The following TMEM131L variants were observed in gnomAD, a reference collection of about 807,000 sequenced individuals.
TMEM131L encodes transmembrane 131 like.
TMEM131L carries 54 observed loss-of-function variants against 192.2 expected under a neutral mutation model. The ratio of observed to expected loss-of-function variants is 0.28; its 90% confidence interval spans 0.23 to 0.35. TMEM131L has a LOEUF of 0.35. TMEM131L is among the 10% of genes least tolerant of loss of function. The probability of loss-of-function intolerance (pLI) is 1.00; values close to 1 mark genes in which losing one functional copy is unlikely to be tolerated. For missense variants in TMEM131L, 1,888 were observed against 1,972.9 expected (o/e 0.96, Z 0.82); for synonymous variants, 701 against 704.9 (o/e 0.99, Z 0.09).
At chr4:153,571,682 C>T (rs1729596856) in intron 7 of TMEM131L, among the ~76,000 whole-genome samples, 1 of 152,210 alleles carries the variant, frequency 6.6e-6, no homozygotes. Flanking sequence ...TCCTCAGCCT[C>T]CTGAGTAGCT....
chr4:153,470,978 T>A (rs1731115915), intron 2 of TMEM131L, among the ~76,000 whole-genome samples: 1 of 144,810 alleles, frequency 6.9e-6, no homozygotes, highest in Non-Finnish European at 1.5e-5. Flanking sequence ...CCTTCGGTTT[T>A]TTTTGTTTGT....
intron 25 of TMEM131L, among the ~76,000 whole-genome samples, chr4:153,610,209 C>T (rs909732654): frequency 6.6e-6 from 1 of 152,126 alleles, no homozygotes; most frequent in Non-Finnish European, 1.5e-5. Context: ...AGTTGACTGT[C>T]CTATAGAGAC....
At chr4:153,616,118 G>A (rs1191528158) in intron 26 of TMEM131L, among the ~76,000 whole-genome samples, 5 of 152,116 alleles carry the variant, frequency 3.3e-5, no homozygotes, top group Admixed American at 1.3e-4. Context: ...TAGGACAGAC[G>A]TCTGCATCTA....
chr4:153,627,287 A>G (rs1177109021), intron 30 of TMEM131L, among the ~76,000 whole-genome samples: 1 of 152,160 alleles, frequency 6.6e-6, no homozygotes, highest in Non-Finnish European at 1.5e-5. Context: ...AACTACCTGG[A>G]AATACAGACA....
At chr4:153,492,205 A>G (rs1464494581) in intron 3 of TMEM131L, among the ~76,000 whole-genome samples, 1 of 151,476 alleles carries the variant, frequency 6.6e-6, no homozygotes, top group Non-Finnish European at 1.5e-5. Context: ...TAAAAGATGG[A>G]GGTCTCACTA....
At chr4:153,575,981 A>G (rs1225653962) in intron 7 of TMEM131L, among the ~76,000 whole-genome samples, 2 of 148,602 alleles carry the variant, frequency 1.3e-5, no homozygotes, top group Non-Finnish European at 1.5e-5. Context: ...TTTTTTTGAG[A>G]TGAAGTCTCA....
Position 153,604,308 on chromosome 4 carries a change from A to T in TMEM131L, c.3296A>T (p.Glu1099Val). 1 of 1,614,196 alleles carries T rather than the reference A, an allele frequency of 6.2e-7. No individual in the cohort carries two copies. The highest frequency in any genetic ancestry group is 1.1e-5 in the South Asian group (1 of 91,088). ...ATTAAAACTTCAGAGAACACAGCCG[A>T]GTTCAAGGAACGGGAGCTCTGTCCA... The part of the protein sequence containing the change: ...TDIKTSENTA[E>V]FKERELCPLK... The change falls in exon 25 of 35, where the codon GAG becomes GTG. Residue 1099 changes from glutamate to valine, a missense_variant. Coordinates refer to ENST00000409959, the MANE Select transcript of TMEM131L (RefSeq NM_001131007.2).
intron 3 of TMEM131L, among the ~76,000 whole-genome samples, chr4:153,522,358 G>A (rs1437534816): frequency 6.6e-6 from 1 of 152,174 alleles, no homozygotes; most frequent in Non-Finnish European, 1.5e-5. Flanking sequence ...CAGATAATAG[G>A]AGACTTAAAT....
intron 33 of TMEM131L, among the ~76,000 whole-genome samples, chr4:153,634,744 G>A (rs886828232): frequency 2.0e-5 from 3 of 152,194 alleles, no homozygotes; most frequent in African/African-American, 7.2e-5. Context: ...AGGGGAAATT[G>A]TGGAAAATTG....
intron 9 of TMEM131L, among the ~76,000 whole-genome samples, chr4:153,582,533 C>T (rs2150749020): frequency 7.1e-6 from 1 of 140,788 alleles, no homozygotes; most frequent in South Asian, 2.3e-4. Flanking sequence ...CCCCGCTTGG[C>T]CTCCCAAAGT....
intron 4 of TMEM131L, among the ~76,000 whole-genome samples, chr4:153,551,763 G>GT (rs930377690): frequency 1.3e-5 from 2 of 152,060 alleles, no homozygotes; most frequent in Non-Finnish European, 2.9e-5. Context: ...CTAGGTGTCT[G>GT]TTTTTTTGAG....
chr4:153,595,260 G>C (rs1304535398), intron 19 of TMEM131L, among the ~76,000 whole-genome samples: 2 of 152,002 alleles, frequency 1.3e-5, no homozygotes, highest in Non-Finnish European at 1.5e-5. Flanking sequence ...TAGTTCCTTG[G>C]GTTAAGAACA....
chr4:153,559,889 C>T (rs1330676295), intron 7 of TMEM131L, among the ~76,000 whole-genome samples: 1 of 152,036 alleles, frequency 6.6e-6, no homozygotes, highest in Non-Finnish European at 1.5e-5. Flanking sequence ...TCTTCAGCCC[C>T]AGTGCTCACC....
intron 7 of TMEM131L, among the ~76,000 whole-genome samples, chr4:153,573,084 A>G (rs1729700507): frequency 6.6e-6 from 1 of 152,208 alleles, no homozygotes; most frequent in Non-Finnish European, 1.5e-5. Flanking sequence ...GCACATATAT[A>G]TCATGTTTTG....
chr4:153,530,572 C>T (rs916045708), intron 3 of TMEM131L, among the ~76,000 whole-genome samples: 1 of 152,142 alleles, frequency 6.6e-6, no homozygotes, highest in Non-Finnish European at 1.5e-5. Context: ...GGTAGGCTGG[C>T]TTGCTGTACT....
At chr4:153,485,522 A>G (rs1732268812) in intron 3 of TMEM131L, among the ~76,000 whole-genome samples, 1 of 152,212 alleles carries the variant, frequency 6.6e-6, no homozygotes, top group South Asian at 2.1e-4. Context: ...TGGCCTGCCA[A>G]GTGAACCATG....
At chr4:153,590,987 T>C in intron 16 of TMEM131L, 66 bp from the exon 17 acceptor site, 1 of 1,118,434 alleles carries the variant, frequency 8.9e-7, no homozygotes, top group Non-Finnish European at 1.2e-6. Context: ...AATAACAAAA[T>C]TATTAAATAT....
chr4:153,528,963 G>A (rs1387950202), intron 3 of TMEM131L, among the ~76,000 whole-genome samples: 1 of 152,148 alleles, frequency 6.6e-6, no homozygotes, highest in Non-Finnish European at 1.5e-5. Context: ...TCTGGCCTCC[G>A]AGAGTTGTGG....
chr4:153,618,610 C>T (rs1051191662), intron 26 of TMEM131L, among the ~76,000 whole-genome samples: 11 of 151,974 alleles, frequency 7.2e-5, no homozygotes, highest in East Asian at 3.8e-4. Context: ...GAGGATGACT[C>T]GGGAAACTGA....
Sources: gnomAD v4.1 joint callset for allele counts (sites outside exome capture counted in the v4.1 genomes callset) on GRCh38, gnomAD v4.1.1 for gene constraint, MANE v1.5 for transcripts, NCBI Gene and HGNC (gene_info 2026-07-23, HGNC 2026-07-21) for gene names.